RFX7: variants seen among roughly 807,000 people sequenced by gnomAD.
RFX7 encodes the protein regulatory factor X7, also known as DNA-binding protein RFX7.
In RFX7, 26 loss-of-function variants were observed where a neutral mutation model predicts 111.8. That is an observed-to-expected ratio of 0.23 (90% CI 0.17 to 0.32). The LOEUF is 0.32. Ranked by LOEUF, RFX7 falls within the 10% of genes least tolerant of loss-of-function variation. RFX7 has a pLI of 1.00. For synonymous variants in RFX7, 624 were observed against 624.4 expected, an observed-to-expected ratio of 1.00 and a Z score of 0.01; for missense variants, 1,573 against 1,772.9, an observed-to-expected ratio of 0.89 and a Z score of 2.02.
At chr15:56,125,201 CAT>C (rs1406666014) in intron 5 of RFX7, among the ~76,000 whole-genome samples, 2 of 152,092 alleles carry the variant, frequency 1.3e-5, no homozygotes, top group Non-Finnish European at 2.9e-5. Context: ...TACCCTGTTC[CAT>C]GGTCTATATG....
chr15:56,142,460 T>C (rs1246162826), intron 5 of RFX7, among the ~76,000 whole-genome samples: 3 of 152,186 alleles, frequency 2.0e-5, no homozygotes, highest in African/African-American at 4.8e-5. Flanking sequence ...TAACCCCAGA[T>C]ACACACTCCT....
intron 2 of RFX7, among the ~76,000 whole-genome samples, chr15:56,231,554 C>T (rs560089097): frequency 4.1e-4 from 63 of 152,244 alleles, no homozygotes; most frequent in Non-Finnish European, 7.5e-4. Context: ...GTCCCTCCCA[C>T]AACACATGGG....
chr15:56,239,159 T>G (rs1254927245), intron 2 of RFX7, among the ~76,000 whole-genome samples: 1 of 152,000 alleles, frequency 6.6e-6, no homozygotes, highest in Non-Finnish European at 1.5e-5. Context: ...ATTTTGGATT[T>G]TGGAATACTT....
chr15:56,235,221 C>G (rs779280278), intron 2 of RFX7, among the ~76,000 whole-genome samples: 1 of 151,608 alleles, frequency 6.6e-6, no homozygotes, highest in African/African-American at 2.4e-5. Flanking sequence ...TCGCCCAGGC[C>G]GGAGTGCAGT....
At chr15:56,240,341 A>G (rs2141246604) in intron 2 of RFX7, among the ~76,000 whole-genome samples, 1 of 152,194 alleles carries the variant, frequency 6.6e-6, no homozygotes, top group Non-Finnish European at 1.5e-5. Flanking sequence ...CATATTATAG[A>G]AACATAACAA....
At chr15:56,204,571 G>T (rs2043231999) in intron 2 of RFX7, among the ~76,000 whole-genome samples, 1 of 152,094 alleles carries the variant, frequency 6.6e-6, no homozygotes, top group East Asian at 1.9e-4. Flanking sequence ...AGCTTTGAGG[G>T]TCTAGATCCT....
intron 5 of RFX7, among the ~76,000 whole-genome samples, chr15:56,134,259 G>C (rs374787672): frequency 2.4e-4 from 37 of 152,282 alleles, no homozygotes; most frequent in African/African-American, 8.2e-4. Context: ...TAGGAACATA[G>C]TGGAAGACCT....
At chr15:56,135,311 C>T (rs1184230609) in intron 5 of RFX7, among the ~76,000 whole-genome samples, 16 of 152,182 alleles carry the variant, frequency 1.1e-4, no homozygotes, top group Non-Finnish European at 1.9e-4. Flanking sequence ...GCCATTCTAA[C>T]TGGTGTGAGA....
At position 56,117,027 on chromosome 15, in the gene RFX7, A is replaced by C. The variant is rs1280797813; in HGVS notation, c.402-13357T>G. On this transcript the variant is annotated intron_variant, in intron 5 of 9. Coordinates refer to ENST00000559447, the MANE Select transcript of RFX7 (RefSeq NM_022841.7). ...CTTGATGAGAGAGGTGCTGGTAAAGAGAGTGAGTGTAAGAGGTTATGAGGC... is the reference window on the plus strand; with the variant it reads ...CTTGATGAGAGAGGTGCTGGTAAAGCGAGTGAGTGTAAGAGGTTATGAGGC... Among the ~76,000 whole-genome samples, 3 of 152,178 alleles carry C rather than the reference A, an allele frequency of 2.0e-5. No homozygotes were observed. The East Asian group carries it at 5.8e-4, about 29-fold the overall frequency.
intron 3 of RFX7, among the ~76,000 whole-genome samples, chr15:56,166,553 C>A (rs1215946742): frequency 2.6e-5 from 4 of 151,968 alleles, no homozygotes; most frequent in African/African-American, 9.7e-5. Flanking sequence ...AGAAACTTGC[C>A]CTATAGACCT....
intron 5 of RFX7, among the ~76,000 whole-genome samples, chr15:56,112,955 C>T (rs113854571): frequency 0.065 from 9,940 of 152,250 alleles, 443 homozygotes; most frequent in Admixed American, 0.1. Flanking sequence ...CAAAGAGATA[C>T]CATCTCATGC....
intron 2 of RFX7, among the ~76,000 whole-genome samples, chr15:56,241,737 CA>C (rs2043691907): frequency 1.3e-5 from 2 of 152,102 alleles, no homozygotes; most frequent in Non-Finnish European, 1.5e-5. Flanking sequence ...CACACACACA[CA>C]CCCCAATCAT....
At chr15:56,213,983 C>T (rs535768137) in intron 2 of RFX7, among the ~76,000 whole-genome samples, 95 of 152,134 alleles carry the variant, frequency 6.2e-4, no homozygotes, top group Middle Eastern at 3.4e-3. Flanking sequence ...ATTGATAGCC[C>T]GTGATCTTAG....
chr15:56,141,063 A>T (rs531027458), intron 5 of RFX7, among the ~76,000 whole-genome samples: 1 of 152,336 alleles, frequency 6.6e-6, no homozygotes, highest in African/African-American at 2.4e-5. Flanking sequence ...GCCTTTTGGA[A>T]AACCAGCAAG....
intron 3 of RFX7, among the ~76,000 whole-genome samples, chr15:56,159,862 T>A (rs1360102425): frequency 2.0e-5 from 3 of 152,206 alleles, no homozygotes; most frequent in Non-Finnish European, 4.4e-5. Flanking sequence ...TTTCATTATT[T>A]ATTGGCATAA....
intron 8 of RFX7, among the ~76,000 whole-genome samples, chr15:56,099,536 C>T (rs1460446428): frequency 6.6e-6 from 1 of 152,068 alleles, no homozygotes; most frequent in Admixed American, 6.6e-5. Flanking sequence ...TCTTATCCTT[C>T]CTGCCAGGGT....
At chr15:56,104,886 T>G (rs1381563163) in intron 5 of RFX7, among the ~76,000 whole-genome samples, 1 of 152,196 alleles carries the variant, frequency 6.6e-6, no homozygotes, top group African/African-American at 2.4e-5. Context: ...ACTGAAAGTT[T>G]CCCATATAGG....
At chr15:56,178,455 C>T (rs1332300414) in intron 3 of RFX7, among the ~76,000 whole-genome samples, 3 of 152,108 alleles carry the variant, frequency 2.0e-5, no homozygotes, top group African/African-American at 7.2e-5. Flanking sequence ...ACAACATAGT[C>T]AGGTTAGCTT....
chr15:56,126,475 G>C (rs1379552220), intron 5 of RFX7, among the ~76,000 whole-genome samples: 1 of 152,080 alleles, frequency 6.6e-6, no homozygotes, highest in African/African-American at 2.4e-5. Flanking sequence ...TTCCCTGAAG[G>C]ACCCCACCTG....
Sources: allele counts gnomAD v4.1 joint callset (sites outside exome capture counted in the v4.1 genomes callset), GRCh38; gene constraint gnomAD v4.1.1; transcripts MANE v1.5; gene names NCBI Gene and HGNC (gene_info 2026-07-23, HGNC 2026-07-21).